TMEM165: variants seen among roughly 807,000 people sequenced by gnomAD.
TMEM165 encodes the protein transmembrane protein 165, also known as putative divalent cation/proton antiporter TMEM165.
A neutral mutation model predicts 30.0 loss-of-function variants in TMEM165; 19 were observed. The observed-to-expected ratio is 0.63, with a 90% CI of 0.44 to 0.93. The LOEUF (loss-of-function observed/expected upper bound fraction) is 0.93, where lower values mean the gene tolerates loss of function less well. Ranked by LOEUF, TMEM165 falls within the 40% of genes least tolerant of loss-of-function variation. TMEM165 has a pLI of 0.00. For missense variants in TMEM165, 340 were observed against 417.0 expected, an observed-to-expected ratio of 0.82 and a Z score of 1.61; for synonymous variants, 168 against 162.9, an observed-to-expected ratio of 1.03 and a Z score of -0.24.
chr4:55,434,217 G>GT (rs1193089214), intron 3 of TMEM165: 1 of 152,560 alleles, frequency 6.6e-6, no homozygotes, highest in Non-Finnish European at 1.5e-5. Flanking sequence ...GCACTATGGG[G>GT]TTTTTTCCCC....
At chr4:55,400,249 T>TAATA (rs376316386) in intron 1 of TMEM165, among the ~76,000 whole-genome samples, 2,009 of 52,038 alleles carry the variant, frequency 0.039, 35 homozygotes, top group Middle Eastern at 0.1. Context: ...ATTAATATTA[T>TAATA]ATTATATTAA....
downstream of TMEM165, chr4:55,430,404 A>G (rs1722421223): frequency 6.6e-6 from 1 of 152,232 alleles, no homozygotes; most frequent in African/African-American, 2.4e-5. Context: ...GGAAAAAACT[A>G]TGCAAAACAG....
rs186514450 is a variant in TMEM165 at position 55,413,561 on chromosome 4, C to T, written c.433+1722C>T. ...AAACTCCTGACCTCAAATGATCGCC[C>T]GCCTTGGCCTCCCAAAGTGCTGCGA... On this transcript the variant is annotated intron_variant, in intron 2 of 5. Transcript: ENST00000381334. Among the ~76,000 whole-genome samples the T allele has an allele frequency of 5.3e-3, 802 of 152,362 alleles. 5 individuals carry two copies. Among genetic ancestry groups the T allele is most frequent in the Non-Finnish European group, 8.9e-3 (607 of 68,038 alleles).
chr4:55,418,968 C>T (rs1031658446), intron 4 of TMEM165, among the ~76,000 whole-genome samples: 31 of 151,908 alleles, frequency 2.0e-4, no homozygotes, highest in African/African-American at 6.5e-4. Flanking sequence ...TTGATTGAAC[C>T]GGGGAGGCAG....
chr4:55,427,007 TAAAG>T (rs150282118), downstream of TMEM165, among the ~76,000 whole-genome samples: 10 of 151,468 alleles, frequency 6.6e-5, no homozygotes, highest in South Asian at 4.2e-4. Flanking sequence ...TTGTTTGTTA[TAAAG>T]AAAGAGTGAG....
At chr4:55,422,358 A>G (rs1220593053) in intron 4 of TMEM165, among the ~76,000 whole-genome samples, 2 of 152,012 alleles carry the variant, frequency 1.3e-5, no homozygotes, top group African/African-American at 4.8e-5. Flanking sequence ...CCTGGGTCCA[A>G]GCGATTCTTC....
At chr4:55,451,573 C>T (rs992830599) in intron 3 of TMEM165, among the ~76,000 whole-genome samples, 7 of 152,148 alleles carry the variant, frequency 4.6e-5, no homozygotes, top group African/African-American at 1.7e-4. Context: ...GATCATGATG[C>T]TGGCAGTAAA....
chr4:55,442,562 C>T (rs1287312825), intron 3 of TMEM165: 1 of 1,611,544 alleles, frequency 6.2e-7, no homozygotes, highest in Non-Finnish European at 8.5e-7. Context: ...TACAGTGGGG[C>T]TGTAAGAGTG....
At chr4:55,398,327 C>A (rs1354943830) in intron 1 of TMEM165, among the ~76,000 whole-genome samples, 2 of 152,044 alleles carry the variant, frequency 1.3e-5, no homozygotes, top group African/African-American at 2.4e-5. Flanking sequence ...AGTGAAGATT[C>A]TGGGAGCCGA....
rs1724613491 is a variant in TMEM165 at position 55,453,105 on chromosome 4, T to C, written c.*799T>C. On this transcript the variant is annotated 3_prime_UTR_variant, in exon 4 of 4. Coordinates refer to the TMEM165 transcript ENST00000608091. ...ACTCTTCAATGCCAAGTTCTCGTCG[T>C]CTTTCAGCCCTAACTTCTGCATAAC... 2.5e-6 allele frequency: 4 copies of C among 1,612,952 alleles called. No homozygotes were observed. The East Asian group carries it at 6.7e-5, about 27-fold the overall frequency.
In TMEM165 at chr4:55,403,835, C is replaced by T. The variant is rs115932794; in HGVS notation, c.207+7439C>T. Among the ~76,000 whole-genome samples the T allele has an allele frequency of 3.6e-3, 550 of 152,242 alleles. 2 individuals carry two copies. Among genetic ancestry groups the T allele is most frequent in the African/African-American group, 0.013 (528 of 41,534 alleles). ...TCATGTTTTGGACAAAACTGTCATC[C>T]TTTGTGTACCTCCTCTCTGTGTCCA... On this transcript the variant is annotated intron_variant, in intron 1 of 5. Transcript: ENST00000381334.
In TMEM165 at chr4:55,438,661, C is replaced by G. The variant is rs75270029; in HGVS notation, c.409-13578C>G. On this transcript the variant is annotated intron_variant, in intron 3 of 3. Transcript: ENST00000608091. ...ACATTGCCAGTTTGTTTTTCAAGGTCTGTATATTCCTACTTTGTTTCATTT... is the reference window on the plus strand; with the variant it reads ...ACATTGCCAGTTTGTTTTTCAAGGTGTGTATATTCCTACTTTGTTTCATTT... 1.4e-4 allele frequency: 185 copies of G among 1,362,528 alleles called. 2 individuals carry two copies. The East Asian group carries it at 4.3e-3, about 32-fold the overall frequency. The allele number at this position is 1,362,528 out of a possible 1,614,324, so 84.4% of individuals were successfully genotyped here. A position where few individuals can be genotyped will look rare whatever the true frequency, so the allele number is the denominator to read the frequency against.
At chr4:55,453,270 C>A in exon 4 of TMEM165, 1 of 674,110 alleles carries the variant, frequency 1.5e-6, no homozygotes, top group Non-Finnish European at 2.6e-6. Context: ...CTAAAATATA[C>A]CTATAATGTC....
chr4:55,448,591 CGCACGCGCGCGTGTGT>C (rs1724097564), intron 3 of TMEM165, among the ~76,000 whole-genome samples: 3 of 81,048 alleles, frequency 3.7e-5, no homozygotes, highest in Admixed American at 1.5e-4. Context: ...TGTGCGCGCG[CGCACGCGCGCGTGTGT>C]GTGTGTGTGT....
chr4:55,401,288 T>G (rs746463833), intron 1 of TMEM165, among the ~76,000 whole-genome samples: 7 of 150,766 alleles, frequency 4.6e-5, no homozygotes, highest in Non-Finnish European at 1.0e-4. Context: ...ATAAAAAGTG[T>G]TGTTGATTAC....
At chr4:55,420,122 C>CATAT (rs1214836446) in intron 4 of TMEM165, among the ~76,000 whole-genome samples, 5 of 56,798 alleles carry the variant, frequency 8.8e-5, no homozygotes, top group African/African-American at 2.2e-4. Flanking sequence ...TATATATATA[C>CATAT]ATATATATTT....
intron 1 of TMEM165, among the ~76,000 whole-genome samples, chr4:55,410,222 G>C (rs182544284): frequency 6.6e-6 from 1 of 152,276 alleles, no homozygotes; most frequent in East Asian, 1.9e-4. Context: ...TCTGACATCT[G>C]CTAATCTTCA....
chr4:55,422,483 C>G (rs565530470), intron 4 of TMEM165, among the ~76,000 whole-genome samples: 13 of 152,226 alleles, frequency 8.5e-5, no homozygotes, highest in African/African-American at 3.1e-4. Flanking sequence ...GTCTCAAACT[C>G]CCAACCTCAG....
At chr4:55,415,659 C>T (rs1721692006) in intron 2 of TMEM165, 2 of 152,144 alleles carry the variant, frequency 1.3e-5, no homozygotes, top group South Asian at 4.1e-4. Context: ...CATATATACA[C>T]ACACAATAAT....
Sources: gnomAD v4.1 joint callset for allele counts (sites outside exome capture counted in the v4.1 genomes callset) on GRCh38, gnomAD v4.1.1 for gene constraint, MANE v1.5 for transcripts, NCBI Gene and HGNC (gene_info 2026-07-23, HGNC 2026-07-21) for gene names.